The following EEA1 variants were observed in gnomAD, a reference collection of about 807,000 sequenced individuals.
The protein encoded by EEA1 is early endosome antigen 1.
In EEA1, 111 loss-of-function variants were observed where a neutral mutation model predicts 209.2. That is an observed-to-expected ratio of 0.53 (90% confidence interval 0.45 to 0.62). The LOEUF is 0.62. EEA1 is among the 20% of genes least tolerant of loss of function. The probability of loss-of-function intolerance (pLI) is 0.00; values close to 1 mark genes in which losing one functional copy is unlikely to be tolerated. For synonymous variants in EEA1, 536 were observed against 540.6 expected, an observed-to-expected ratio of 0.99 and a Z score of 0.12; for missense variants, 1,343 against 1,530.8, an observed-to-expected ratio of 0.88 and a Z score of 2.05.
intron 11 of EEA1, among the ~76,000 whole-genome samples, chr12:92,830,973 A>G (rs1010328813): frequency 2.0e-5 from 3 of 152,208 alleles, no homozygotes; most frequent in Non-Finnish European, 4.4e-5. Context: ...AGGGAAGGAG[A>G]AGACATGTTA....
Position 92,819,417 on chromosome 12 carries a change from G to T in EEA1, c.1619C>A (p.Ser540Ter), listed in dbSNP as rs775395264. The change falls in exon 14 of 29, where the codon TCA (serine) becomes TAA (stop). Residue 540 changes from serine (S) to a stop codon, truncating the protein, a stop_gained. Coordinates refer to ENST00000322349, the MANE Select transcript of EEA1 (RefSeq NM_003566.4). LOFTEE classifies it high-confidence loss of function. ...ALLQKSKENI[S>*]LLEKEREDLY... ...ATCTTCTCTTTCTTTTTCTAGTAAT[G>T]AAATATTTTCTTTACTCTTCTGTAA... is the stretch of plus-strand genomic sequence containing the variant. 6.2e-7 allele frequency: 1 copy of T among 1,612,398 alleles called. No homozygotes were observed.
At chr12:92,889,389 G>A (rs1879565253) in intron 2 of EEA1, among the ~76,000 whole-genome samples, 1 of 151,690 alleles carries the variant, frequency 6.6e-6, no homozygotes, top group Non-Finnish European at 1.5e-5. Context: ...CCAAACTAAG[G>A]CAAAAAGAGA....
chr12:92,785,156 C>T (rs2136653030), intron 22 of EEA1, among the ~76,000 whole-genome samples: 1 of 152,154 alleles, frequency 6.6e-6, no homozygotes, highest in South Asian at 2.1e-4. Flanking sequence ...TCACTTCACT[C>T]AGGGTGTAAA....
At chr12:92,888,551 T>C (rs1176622079) in intron 2 of EEA1, among the ~76,000 whole-genome samples, 1 of 148,442 alleles carries the variant, frequency 6.7e-6, no homozygotes, top group Non-Finnish European at 1.5e-5. Context: ...CACTTCAGCC[T>C]GGGCGACAGA....
intron 15 of EEA1, among the ~76,000 whole-genome samples, chr12:92,814,410 CATCT>C (rs1159774715): frequency 1.3e-5 from 2 of 152,142 alleles, no homozygotes; most frequent in Non-Finnish European, 2.9e-5. Flanking sequence ...TACGGCATTT[CATCT>C]ATCTGAGGAA....
intron 1 of EEA1, among the ~76,000 whole-genome samples, chr12:92,924,511 G>C (rs913402602): frequency 6.6e-6 from 1 of 151,928 alleles, no homozygotes; most frequent in African/African-American, 2.4e-5. Flanking sequence ...GCCTGGCTGA[G>C]ACTTTTATAC....
chr12:92,906,770 C>T (rs1316391127), intron 1 of EEA1, among the ~76,000 whole-genome samples: 2 of 152,012 alleles, frequency 1.3e-5, no homozygotes, highest in South Asian at 2.1e-4. Flanking sequence ...GCCAAGATTG[C>T]GCCACTGCAC....
In EEA1 at chr12:92,811,465, G is replaced by T. The variant is rs945903299; in HGVS notation, c.2044-31C>A. 2.0e-6 allele frequency: 3 copies of T among 1,476,270 alleles called. No homozygotes were observed. The South Asian group carries it at 4.2e-5, about 21-fold the overall frequency. 91.4% of individuals were successfully genotyped at this position (1,476,270 alleles called of 1,614,324 possible). ...GAAAAGTACAATTGAAGAAAACTTT[G>T]GTAAGGTTTACTATATTGTAGTGGC... is the stretch of plus-strand genomic sequence containing the variant. On this transcript the variant is annotated intron_variant, in intron 16 of 28. Transcript: ENST00000322349.
intron 2 of EEA1, among the ~76,000 whole-genome samples, chr12:92,881,603 T>C (rs1027382754): frequency 6.6e-6 from 1 of 152,082 alleles, no homozygotes; most frequent in Non-Finnish European, 1.5e-5. Flanking sequence ...TAAATGCGTC[T>C]AAGAAGTAAA....
chr12:92,791,196 T>C (rs1357685271), intron 21 of EEA1, among the ~76,000 whole-genome samples: 4 of 152,214 alleles, frequency 2.6e-5, no homozygotes, highest in Non-Finnish European at 1.5e-5. Context: ...CCATTGATGC[T>C]ATGAAGAAAC....
At chr12:92,829,231 C>G (rs1335115318) in intron 11 of EEA1, among the ~76,000 whole-genome samples, 1 of 152,054 alleles carries the variant, frequency 6.6e-6, no homozygotes, top group East Asian at 1.9e-4. Flanking sequence ...CGCTTGAACC[C>G]GGGCGGCAGA....
chr12:92,839,464 T>C (rs535283420), intron 10 of EEA1, among the ~76,000 whole-genome samples: 20 of 152,110 alleles, frequency 1.3e-4, no homozygotes, highest in Non-Finnish European at 2.6e-4. Context: ...CAACTACATA[T>C]CTGTATGAGA....
intron 4 of EEA1, 41 bp downstream of exon 4, chr12:92,857,390 A>G: frequency 1.3e-6 from 2 of 1,570,800 alleles, no homozygotes; most frequent in South Asian, 1.2e-5. Context: ...GTATTATCTG[A>G]AACACTGAAA....
At chr12:92,830,023 G>T (rs1006434209) in intron 11 of EEA1, among the ~76,000 whole-genome samples, 1 of 150,408 alleles carries the variant, frequency 6.6e-6, no homozygotes, top group Admixed American at 6.6e-5. Flanking sequence ...GGGGGGGCGG[G>T]TGAGGGTTGA....
chr12:92,777,877 G>A lies in EEA1; in HGVS notation c.3893+64C>T, dbSNP rs550272983. 5 of 1,476,410 alleles carry A rather than the reference G, an allele frequency of 3.4e-6. No individual in the cohort carries two copies. The African/African-American group carries it at 4.2e-5, about 13-fold the overall frequency. 91.5% of individuals were successfully genotyped at this position (1,476,410 alleles called of 1,614,324 possible). A position where few individuals can be genotyped will look rare whatever the true frequency, so the allele number is the denominator to read the frequency against. ...AGATTCTTCTATTTTTAAAAACTATGGAATATGACAATCTTTTTATCACTT... is the reference window on the plus strand; with the variant it reads ...AGATTCTTCTATTTTTAAAAACTATAGAATATGACAATCTTTTTATCACTT... On this transcript the variant is annotated intron_variant, in intron 26 of 28. Coordinates refer to ENST00000322349, the MANE Select transcript of EEA1 (RefSeq NM_003566.4).
Position 92,929,147 on chromosome 12 carries a change from G to A in EEA1, c.-81C>T. On this transcript the variant is annotated 5_prime_UTR_variant, in exon 1 of 29. Transcript: ENST00000322349. ...ACTCACTACTCGGGGTGCGCGGGCG[G>A]GAGGGACTGGGCCGGGAGGGGACCG... is the stretch of plus-strand genomic sequence containing the variant. The A allele has an allele frequency of 1.4e-6, 2 of 1,428,898 alleles. No individual in the cohort carries two copies. Among genetic ancestry groups the A allele is most frequent in the Admixed American group, 2.1e-5 (1 of 48,006 alleles). The allele number at this position is 1,428,898 out of a possible 1,614,324, so 88.5% of individuals were successfully genotyped here. A position where few individuals can be genotyped will look rare whatever the true frequency, so the allele number is the denominator to read the frequency against.
intron 21 of EEA1, among the ~76,000 whole-genome samples, chr12:92,797,544 A>G (rs1874711558): frequency 6.6e-6 from 1 of 152,212 alleles, no homozygotes; most frequent in African/African-American, 2.4e-5. Context: ...AAATATTATT[A>G]TAACTCATAA....
chr12:92,858,402 G>A, intron 3 of EEA1: 1 of 1,175,774 alleles, frequency 8.5e-7, no homozygotes, highest in East Asian at 2.3e-5. Context: ...TAATGTGCTG[G>A]TAGCCTTGGA....
chr12:92,901,569 T>C (rs1221661571), intron 1 of EEA1, among the ~76,000 whole-genome samples: 1 of 151,782 alleles, frequency 6.6e-6, no homozygotes, highest in Non-Finnish European at 1.5e-5. Context: ...TAAGAACTTC[T>C]TGTTTTTTTT....
Sources: gnomAD v4.1 joint callset for allele counts (sites outside exome capture counted in the v4.1 genomes callset) on GRCh38, gnomAD v4.1.1 for gene constraint, MANE v1.5 for transcripts, NCBI Gene and HGNC (gene_info 2026-07-23, HGNC 2026-07-21) for gene names.